The following SEMA6D variants were observed in gnomAD, a reference collection of about 807,000 sequenced individuals.
SEMA6D encodes semaphorin 6D.
A neutral mutation model predicts 106.6 loss-of-function variants in SEMA6D; 35 were observed. That is an observed-to-expected ratio of 0.33 (90% CI 0.25 to 0.44). SEMA6D has a LOEUF of 0.44. Ranked by LOEUF, SEMA6D falls within the 20% of genes least tolerant of loss-of-function variation. The pLI is 1.00. For missense variants in SEMA6D, 1,185 were observed against 1,345.9 expected (o/e 0.88, Z 1.87); for synonymous variants, 499 against 487.7 (o/e 1.02, Z -0.31).
chr15:47,391,877 C>G (rs1475940714), intron 1 of SEMA6D, among the ~76,000 whole-genome samples: 1 of 152,144 alleles, frequency 6.6e-6, no homozygotes, highest in East Asian at 1.9e-4. Context: ...CATATTTACA[C>G]TTTCCCCCAC....
chr15:47,755,830 T>TA (rs1167101648), intron 1 of SEMA6D, among the ~76,000 whole-genome samples: 58 of 148,624 alleles, frequency 3.9e-4, no homozygotes, highest in Non-Finnish European at 5.1e-4. Context: ...ATTATAAAAA[T>TA]ATAACAATAT....
At chr15:47,284,493 G>C (rs1409625327) in intron 1 of SEMA6D, among the ~76,000 whole-genome samples, 1 of 152,100 alleles carries the variant, frequency 6.6e-6, no homozygotes, top group South Asian at 2.1e-4. Flanking sequence ...TGATTGTGCT[G>C]CATGATCTAG....
At chr15:47,261,249 A>G (rs545901796) in intron 1 of SEMA6D, among the ~76,000 whole-genome samples, 3 of 152,304 alleles carry the variant, frequency 2.0e-5, no homozygotes, top group East Asian at 1.9e-4. Flanking sequence ...AAACCAAGAT[A>G]GAAGGAACCA....
At chr15:47,702,154 T>G (rs1182074793) in intron 4 of SEMA6D, among the ~76,000 whole-genome samples, 1 of 152,172 alleles carries the variant, frequency 6.6e-6, no homozygotes, top group African/African-American at 2.4e-5. Context: ...GATGGATGCC[T>G]GTGACACAGC....
chr15:47,681,598 T>C (rs1247846976), intron 4 of SEMA6D, among the ~76,000 whole-genome samples: 1 of 152,226 alleles, frequency 6.6e-6, no homozygotes, highest in African/African-American at 2.4e-5. Context: ...TCTCATGTGC[T>C]ATTTAGCAAA....
chr15:47,256,187 G>T (rs1050598636), intron 1 of SEMA6D, among the ~76,000 whole-genome samples: 9 of 152,108 alleles, frequency 5.9e-5, no homozygotes, highest in Middle Eastern at 3.4e-3. Context: ...TAGGGCTGGG[G>T]TCTTACCATA....
chr15:47,491,356 A>G (rs879420066), intron 3 of SEMA6D, among the ~76,000 whole-genome samples: 31 of 152,212 alleles, frequency 2.0e-4, no homozygotes, highest in Admixed American at 1.4e-3. Flanking sequence ...CAGACAATGC[A>G]GATGACTCTT....
chr15:47,431,650 CT>C, intron 2 of SEMA6D, among the ~76,000 whole-genome samples: 1 of 152,130 alleles, frequency 6.6e-6, no homozygotes, highest in African/African-American at 2.4e-5. Flanking sequence ...CCCTTGAGGT[CT>C]AGCATGTGCA....
intron 3 of SEMA6D, among the ~76,000 whole-genome samples, chr15:47,563,486 TC>T (rs1041405802): frequency 6.6e-6 from 1 of 152,008 alleles, no homozygotes; most frequent in South Asian, 2.1e-4. Flanking sequence ...TCTTCCTACC[TC>T]CCCCCATCTC....
At chr15:47,763,378 C>T (rs964430418) in intron 9 of SEMA6D, among the ~76,000 whole-genome samples, 5 of 152,052 alleles carry the variant, frequency 3.3e-5, no homozygotes, top group Admixed American at 2.0e-4. Context: ...CCTTGAGCTA[C>T]GGATGCTTTT....
rs901959212 is a variant in SEMA6D at position 47,554,508 on chromosome 15, C to T, written c.-86-46357C>T. Among the ~76,000 whole-genome samples, 8 of 152,308 alleles carry T rather than the reference C, an allele frequency of 5.3e-5. No individual in the cohort carries two copies. In the South Asian group the frequency reaches 1.2e-3, roughly 24 times the overall value. On this transcript the variant is annotated intron_variant, in intron 3 of 19. Transcript: ENST00000558014. ...AAACTTTGTCACAGCACAGATGATC[C>T]TGGCCTTCCATAGATGGGAAAATGT...
At chr15:47,535,814 TAATTCA>T (rs2045144483) in intron 3 of SEMA6D, among the ~76,000 whole-genome samples, 1 of 152,160 alleles carries the variant, frequency 6.6e-6, no homozygotes, top group Non-Finnish European at 1.5e-5. Flanking sequence ...ATGTCATGCA[TAATTCA>T]AAGGTATGCT....
intron 3 of SEMA6D, among the ~76,000 whole-genome samples, chr15:47,568,652 T>G (rs1324286210): frequency 1.3e-5 from 2 of 152,156 alleles, no homozygotes; most frequent in Non-Finnish European, 2.9e-5. Flanking sequence ...GATGAGCATA[T>G]AAGTATTTAT....
At chr15:47,624,213 C>T (rs1566942601) in intron 4 of SEMA6D, among the ~76,000 whole-genome samples, 1 of 152,190 alleles carries the variant, frequency 6.6e-6, no homozygotes, top group Non-Finnish European at 1.5e-5. Context: ...AGCATAGACA[C>T]TGCGTGTTCT....
At chr15:47,621,837 C>A (rs1439764666) in intron 4 of SEMA6D, among the ~76,000 whole-genome samples, 1 of 152,060 alleles carries the variant, frequency 6.6e-6, no homozygotes, top group African/African-American at 2.4e-5. Context: ...AAAGAGCTAC[C>A]AAGGTAGTAC....
intron 3 of SEMA6D, among the ~76,000 whole-genome samples, chr15:47,508,535 TG>T (rs1341341660): frequency 6.6e-6 from 1 of 152,236 alleles, no homozygotes; most frequent in Non-Finnish European, 1.5e-5. Flanking sequence ...AATAGTTTAT[TG>T]GCTCAACTTT....
At chr15:47,301,816 G>A (rs139586255) in intron 1 of SEMA6D, among the ~76,000 whole-genome samples, 159 of 152,290 alleles carry the variant, frequency 1.0e-3, no homozygotes, top group African/African-American at 3.8e-3. Context: ...TTGGCCTTTG[G>A]GTGGATTTAA....
At chr15:47,381,111 T>C (rs549294373) in intron 1 of SEMA6D, among the ~76,000 whole-genome samples, 1 of 152,388 alleles carries the variant, frequency 6.6e-6, no homozygotes, top group Admixed American at 6.5e-5. Context: ...CAGAATTCTT[T>C]GGTAGATTTT....
chr15:47,693,034 A>C (rs1475837590), intron 4 of SEMA6D, among the ~76,000 whole-genome samples: 1 of 152,094 alleles, frequency 6.6e-6, no homozygotes, highest in Non-Finnish European at 1.5e-5. Context: ...TATTCCTCCA[A>C]AACTTATAGG....
Sources: allele counts gnomAD v4.1 joint callset (sites outside exome capture counted in the v4.1 genomes callset), GRCh38; gene constraint gnomAD v4.1.1; transcripts MANE v1.5; gene names NCBI Gene and HGNC (gene_info 2026-07-23, HGNC 2026-07-21).